The following TUBE1 variants were observed in gnomAD, a reference collection of about 807,000 sequenced individuals.
TUBE1 encodes tubulin epsilon 1.
TUBE1 carries 34 observed loss-of-function variants against 53.5 expected under a neutral mutation model. The ratio of observed to expected loss-of-function variants is 0.64; its 90% CI spans 0.48 to 0.85. The LOEUF is 0.85. Among genes scored for constraint, TUBE1 ranks in the 40% least tolerant of loss-of-function variants. TUBE1 has a pLI of 0.00. For missense variants in TUBE1, 532 were observed against 570.5 expected (o/e 0.93, Z 0.69); for synonymous variants, 177 against 198.4 (o/e 0.89, Z 0.91).
chr6:112,071,769 CCTCTT>C (rs1161440503), intron 11 of TUBE1, 128 bp downstream of exon 11: 2 of 987,444 alleles, frequency 2.0e-6, no homozygotes, highest in East Asian at 2.6e-5. Context: ...GTAAGCCTCT[CCTCTT>C]CAGTTATAAT....
intron 3 of TUBE1, among the ~76,000 whole-genome samples, chr6:112,084,861 G>A (rs17073310): frequency 0.12 from 18,024 of 152,222 alleles, 1,299 homozygotes; most frequent in East Asian, 0.25. Flanking sequence ...AGAATTTCAC[G>A]TTGGAAATAA....
Position 112,079,663 on chromosome 6 carries a change from A to G in TUBE1, c.418T>C (p.Cys140Arg), listed in dbSNP as rs782198120. The change falls in exon 6 of 12, where the codon TGT becomes CGT. Residue 140 changes from cysteine (C) to arginine (R), a missense_variant. Coordinates refer to ENST00000368662, the MANE Select transcript of TUBE1 (RefSeq NM_016262.5). ...KSAEHCDCLQCFFIIHSMGGG... is the reference protein window; with the variant it reads ...KSAEHCDCLQRFFIIHSMGGG... ...CCCATGGAATGTATTATAAAGAAAC[A>G]CTGCAAGCAATCACAGTGCTCTGCC... 1 of 1,612,562 alleles carries G rather than the reference A, an allele frequency of 6.2e-7. No individual in the cohort carries two copies. The highest frequency in any genetic ancestry group is 8.5e-7 in the Non-Finnish European group (1 of 1,179,150).
At position 112,072,820 on chromosome 6, in the gene TUBE1, G is replaced by C. The variant is rs781949283; in HGVS notation, c.1032C>G (p.Leu344=). ...LRADPKHSLY[L]ACALMVRGNV... ...TTCCTCTAACCATGAGTGCACAGGC[G>C]AGGTAAAGACTGTGTTTGGGGTCTG... The change falls in exon 10 of 12, where the codon CTC becomes CTG. Residue 344 remains leucine, a synonymous_variant. Coordinates refer to ENST00000368662, the MANE Select transcript of TUBE1 (RefSeq NM_016262.5). 1 of 1,613,580 alleles carries C rather than the reference G, an allele frequency of 6.2e-7. No individual in the cohort carries two copies. The highest frequency in any genetic ancestry group is 8.5e-7 in the Non-Finnish European group (1 of 1,179,682).
At position 112,087,459 on chromosome 6, in the gene TUBE1, G is replaced by T; in HGVS notation, c.-25C>A. ...TGGTGGTGCGCCGCCGGCTCCGGGAGCTTGCTAGCCCGCGGCCGCTTCTGC... is the reference window on the plus strand; with the variant it reads ...TGGTGGTGCGCCGCCGGCTCCGGGATCTTGCTAGCCCGCGGCCGCTTCTGC... On this transcript the variant is annotated 5_prime_UTR_variant, in exon 1 of 12. Transcript: ENST00000368662. 1 of 1,549,200 alleles carries T rather than the reference G, an allele frequency of 6.5e-7. No individual in the cohort carries two copies. Among genetic ancestry groups the T allele is most frequent in the Non-Finnish European group, 8.7e-7 (1 of 1,145,840 alleles).
rs146077743 is a variant in TUBE1 at position 112,087,280 on chromosome 6, A to G, written c.52T>C (p.Cys18Arg). ...QVGQCGNQIG[C>R]CFWDLALREH... is the part of the protein sequence containing the mutation. ...CTTAGTGCCAGGTCCCAGAAGCAGC[A>G]GCCGATCTGGTTTCCGCACTGGCCG... Residue 18 changes from cysteine to arginine, a missense_variant, in exon 2 of 12, where the codon TGC becomes CGC. Transcript: ENST00000368662. 4.5e-6 allele frequency: 7 copies of G among 1,552,264 alleles called. No individual in the cohort carries two copies. In the African/African-American group the frequency reaches 9.6e-5, roughly 21 times the overall value.
At chr6:112,083,281 A>G (rs1583598046) in intron 4 of TUBE1, among the ~76,000 whole-genome samples, 1 of 149,716 alleles carries the variant, frequency 6.7e-6, no homozygotes, top group South Asian at 2.1e-4. Flanking sequence ...AAGCTACTAC[A>G]CCAGGTCTGA....
chr6:112,079,662 C>A lies in TUBE1; in HGVS notation c.419G>T (p.Cys140Phe), dbSNP rs1554316481. The change falls in exon 6 of 12, where the codon TGT becomes TTT. Residue 140 changes from cysteine (C) to phenylalanine (F), a missense_variant. Transcript: ENST00000368662. Reference sequence around the variant, plus strand: ...TCCCATGGAATGTATTATAAAGAAACACTGCAAGCAATCACAGTGCTCTGC... The same window carrying A: ...TCCCATGGAATGTATTATAAAGAAAAACTGCAAGCAATCACAGTGCTCTGC... ...KSAEHCDCLQ[C>F]FFIIHSMGGG... is the part of the protein sequence containing the mutation. The A allele has an allele frequency of 6.2e-7, 1 of 1,611,750 alleles. No individual in the cohort carries two copies. The highest frequency in any genetic ancestry group is 2.2e-5 in the East Asian group (1 of 44,690).
At chr6:112,075,762 G>T (rs892541311) in intron 8 of TUBE1, 175 bp downstream of exon 8, 4 of 537,868 alleles carry the variant, frequency 7.4e-6, no homozygotes, top group Middle Eastern at 4.9e-4. Context: ...GGGAAATGCT[G>T]CTTTGGAGTC....
At chr6:112,084,029 T>G (rs1777111489) in intron 4 of TUBE1, 160 bp downstream of exon 4, 6 of 625,370 alleles carry the variant, frequency 9.6e-6, no homozygotes, top group Non-Finnish European at 1.7e-5. Context: ...CCTAATGTGT[T>G]AGGTGGACAC....
chr6:112,071,696 G>T, intron 11 of TUBE1, 126 bp from the exon 12 acceptor site: 2 of 981,334 alleles, frequency 2.0e-6, no homozygotes, highest in Non-Finnish European at 2.9e-6. Flanking sequence ...AAGAGAACTT[G>T]TGTCAAATTG....
chr6:112,087,025 G>A (rs1316966407), intron 2 of TUBE1: 2 of 572,272 alleles, frequency 3.5e-6, no homozygotes, highest in Non-Finnish European at 6.2e-6. Flanking sequence ...TGAGAATCAG[G>A]AAAAACGTTA....
At chr6:112,076,207 AT>A (rs1402340003) in intron 7 of TUBE1, 95 bp from the exon 8 acceptor site, 2 of 1,475,382 alleles carry the variant, frequency 1.4e-6, no homozygotes, top group Non-Finnish European at 1.8e-6. Context: ...ATTTAAACTG[AT>A]TTTTTCTCTA....
rs1554317587 is a variant in TUBE1, at chr6:112,087,435, G to A, written c.-1C>T. On this transcript the variant is annotated 5_prime_UTR_variant, in exon 1 of 12. Transcript: ENST00000368662. ...CCTGTACGACCACCGACTGGGTCAT[G>A]GTGGTGCGCCGCCGGCTCCGGGAGC... The A allele has an allele frequency of 1.4e-5, 21 of 1,550,318 alleles. No homozygotes were observed.
rs1199881896 is a variant in TUBE1, at chr6:112,070,731, T to C, written c.*681A>G. 1 of 152,182 alleles carries C rather than the reference T, an allele frequency of 6.6e-6. No individual in the cohort carries two copies. The highest frequency in any genetic ancestry group is 2.4e-5 in the African/African-American group (1 of 41,430). The allele number at this position is 152,182 out of a possible 1,614,324, so 9.4% of individuals were successfully genotyped here. ...GAAGATATCAAGCTTAGTAACATTC[T>C]GTTCATTTGCATAAATGTCATGCAG... On this transcript the variant is annotated 3_prime_UTR_variant, in exon 12 of 12. Coordinates refer to ENST00000368662, the MANE Select transcript of TUBE1 (RefSeq NM_016262.5).
chr6:112,071,441 C>A lies in TUBE1; in HGVS notation c.1399G>T (p.Asp467Tyr), dbSNP rs782508552. Reference protein sequence around the residue: ...LDATKNMPVQDLPRLSIAM With the variant: ...LDATKNMPVQYLPRLSIAM Reference sequence around the variant, plus strand: ...ATAGCTATGCTTAGTCTGGGTAAATCCTGCACAGGCATGTTTTTTGTGGCG... The same window carrying A: ...ATAGCTATGCTTAGTCTGGGTAAATACTGCACAGGCATGTTTTTTGTGGCG... Residue 467 changes from aspartate to tyrosine, a missense_variant, in exon 12 of 12, where the codon GAT becomes TAT. Transcript: ENST00000368662. 1.9e-6 allele frequency: 3 copies of A among 1,604,428 alleles called. No individual in the cohort carries two copies. The highest frequency in any genetic ancestry group is 1.3e-5 in the African/African-American group (1 of 74,912).
At chr6:112,072,658 A>C in intron 10 of TUBE1, 100 bp downstream of exon 10, 1 of 1,256,480 alleles carries the variant, frequency 8.0e-7, no homozygotes, top group East Asian at 2.4e-5. Context: ...CACTTTAGTA[A>C]GTGGCACTGC....
In TUBE1 at chr6:112,076,440, A is replaced by G. The variant is rs782516973; in HGVS notation, c.518T>C (p.Phe173Ser). The G allele has an allele frequency of 3.7e-6, 6 of 1,613,666 alleles. No homozygotes were observed. Among genetic ancestry groups the G allele is most frequent in the Non-Finnish European group, 3.4e-6 (4 of 1,179,786 alleles). Reference protein sequence around the residue: ...LEDEFPEVYRFVTSIYPSGED... With the variant: ...LEDEFPEVYRSVTSIYPSGED... The stretch of plus-strand genomic sequence containing the variant: ...ACCAGAAGGATAAATGGAAGTCACA[A>G]ATCTGTATACTTCTGGGAATTCGTC... Residue 173 changes from phenylalanine to serine, a missense_variant, in exon 7 of 12, where the codon TTT (phenylalanine) becomes TCT (serine). Coordinates refer to ENST00000368662, the MANE Select transcript of TUBE1 (RefSeq NM_016262.5).
At chr6:112,075,457 G>A (rs1165248598) in intron 8 of TUBE1, 1 of 152,380 alleles carries the variant, frequency 6.6e-6, no homozygotes, top group Non-Finnish European at 1.5e-5. Flanking sequence ...TTATATTTGA[G>A]TTAAACACAT....
chr6:112,072,082 ATT>A lies in TUBE1; in HGVS notation c.1095-8_1095-7del. The A allele has an allele frequency of 6.4e-7, 1 of 1,571,272 alleles. No homozygotes were observed. The highest frequency in any genetic ancestry group is 1.4e-5 in the African/African-American group (1 of 71,792). On this transcript the variant is annotated splice_polypyrimidine_tract_variant and splice_region_variant and intron_variant, in intron 10 of 11. Transcript: ENST00000368662. ...ATTGTAGAGATGGTTTTAATCTGAG[ATT>A]AAAAAAAAAAATCTCAGAAGGTGAG...
Sources: gnomAD v4.1 joint callset for allele counts (sites outside exome capture counted in the v4.1 genomes callset) on GRCh38, gnomAD v4.1.1 for gene constraint, MANE v1.5 for transcripts, NCBI Gene and HGNC (gene_info 2026-07-23, HGNC 2026-07-21) for gene names.